Variants in SUMF1 observed in about 807,000 individuals in gnomAD.
The protein encoded by SUMF1 is formylglycine-generating enzyme.
In SUMF1, 48 loss-of-function variants were observed where a neutral mutation model predicts 47.6. The observed-to-expected ratio is 1.01, with a 90% CI of 0.80 to 1.28. The LOEUF (loss-of-function observed/expected upper bound fraction) is 1.28. Ranked by LOEUF, SUMF1 falls within the 50% of genes most tolerant of loss-of-function variation. SUMF1 has a pLI of 0.00. For synonymous variants in SUMF1, 230 were observed against 192.1 expected (o/e 1.20, Z -1.63); for missense variants, 571 against 485.4 (o/e 1.18, Z -1.66).
intron 8 of SUMF1, among the ~76,000 whole-genome samples, chr3:4,124,799 C>G (rs545416728): frequency 1.0e-5 from 1 of 97,604 alleles, no homozygotes; most frequent in East Asian, 3.1e-4. Context: ...CTATCTGTAT[C>G]TAATATCAAA....
chr3:4,463,377 C>A (rs1394932001), intron 1 of SUMF1, among the ~76,000 whole-genome samples: 1 of 152,190 alleles, frequency 6.6e-6, no homozygotes, highest in Non-Finnish European at 1.5e-5. Flanking sequence ...GTAGTCCCAG[C>A]TACTTGGGAG....
Position 4,242,281 on chromosome 3 carries a change from T to C in SUMF1, c.1014+134049A>G, listed in dbSNP as rs149162900. 1.6e-3 allele frequency among the ~76,000 whole-genome samples: 247 copies of C among 152,326 alleles called. 7 individuals carry two copies. In the East Asian group the frequency reaches 0.041, roughly 25 times the overall value. The stretch of plus-strand genomic sequence containing the variant: ...ATACACTTTATTTCTTTCTCTTGCC[T>C]GATTGCCCTGGTCAGAACTTCCAAT... On this transcript the variant is annotated intron_variant and NMD_transcript_variant, in intron 8 of 12. Transcript: ENST00000448413.
At chr3:4,366,878 T>C (rs1258173241) in intron 8 of SUMF1, among the ~76,000 whole-genome samples, 1 of 152,192 alleles carries the variant, frequency 6.6e-6, no homozygotes, top group Non-Finnish European at 1.5e-5. Context: ...ATGATGGTGA[T>C]GTACAGATGG....
intron 9 of SUMF1, among the ~76,000 whole-genome samples, chr3:4,038,308 C>A (rs1159988172): frequency 1.3e-5 from 2 of 152,116 alleles, no homozygotes; most frequent in Admixed American, 6.5e-5. Context: ...GCAGGGGTTC[C>A]CTGCTTGGTG....
intron 8 of SUMF1, among the ~76,000 whole-genome samples, chr3:4,256,400 T>C (rs1696954735): frequency 7.7e-6 from 1 of 129,580 alleles, no homozygotes; most frequent in African/African-American, 3.0e-5. Flanking sequence ...GAGAGAAGAA[T>C]CAAATAGACA....
At chr3:4,445,939 T>C (rs904901270) in intron 3 of SUMF1, among the ~76,000 whole-genome samples, 1 of 152,194 alleles carries the variant, frequency 6.6e-6, no homozygotes, top group South Asian at 2.1e-4. Context: ...ATAATTATCT[T>C]AAGATGAAAT....
chr3:4,063,164 C>T (rs1293158821), intron 9 of SUMF1, among the ~76,000 whole-genome samples: 1 of 152,070 alleles, frequency 6.6e-6, no homozygotes, highest in Non-Finnish European at 1.5e-5. Context: ...ACCAGGTTAC[C>T]TACCAGTAGA....
At chr3:4,115,597 T>G (rs1222372767) in intron 8 of SUMF1, among the ~76,000 whole-genome samples, 4 of 151,852 alleles carry the variant, frequency 2.6e-5, no homozygotes, top group Non-Finnish European at 5.9e-5. Context: ...CTCCGACGGG[T>G]TTGGGCGAGC....
rs545691136 is a variant in SUMF1 at position 4,455,210 on chromosome 3, A to T, written c.271-2161T>A. Among the ~76,000 whole-genome samples, 3 of 152,348 alleles carry T rather than the reference A, an allele frequency of 2.0e-5. No homozygotes were observed. The South Asian group carries it at 6.2e-4, about 32-fold the overall frequency. Reference sequence around the variant, plus strand: ...TTAATAGACTCCTCAGCAGCTTAGGAATTGTCAAGTTCCTCATCTATAAAC... The same window carrying T: ...TTAATAGACTCCTCAGCAGCTTAGGTATTGTCAAGTTCCTCATCTATAAAC... On this transcript the variant is annotated intron_variant, in intron 1 of 8. Coordinates refer to ENST00000272902, the MANE Select transcript of SUMF1 (RefSeq NM_182760.4).
chr3:4,251,608 C>A (rs1316381852), intron 8 of SUMF1, among the ~76,000 whole-genome samples: 2 of 152,298 alleles, frequency 1.3e-5, no homozygotes, highest in Non-Finnish European at 2.9e-5. Context: ...ACCACAGCCA[C>A]CCCAACTTTC....
intron 8 of SUMF1, among the ~76,000 whole-genome samples, chr3:4,144,979 C>CA (rs1452076716): frequency 2.6e-5 from 4 of 152,012 alleles, no homozygotes; most frequent in Non-Finnish European, 5.9e-5. Context: ...GCAGGTGGAT[C>CA]ACGAGGTCAG....
At chr3:4,243,467 G>T (rs990050326) in intron 8 of SUMF1, among the ~76,000 whole-genome samples, 3 of 152,070 alleles carry the variant, frequency 2.0e-5, no homozygotes, top group African/African-American at 4.8e-5. Flanking sequence ...TTGTGTCTTT[G>T]TTCTCATTGG....
At chr3:4,165,711 A>T (rs1472321945) in intron 8 of SUMF1, among the ~76,000 whole-genome samples, 1 of 152,044 alleles carries the variant, frequency 6.6e-6, no homozygotes, top group East Asian at 1.9e-4. Flanking sequence ...GGGCCAGACC[A>T]TGGTGCAGAA....
At chr3:4,418,986 A>C (rs1292816371) in intron 4 of SUMF1, among the ~76,000 whole-genome samples, 1 of 152,192 alleles carries the variant, frequency 6.6e-6, no homozygotes, top group Non-Finnish European at 1.5e-5. Flanking sequence ...CAGTAATTAC[A>C]CCAGGCCTTT....
chr3:4,444,998 T>C (rs975352450), intron 3 of SUMF1, among the ~76,000 whole-genome samples: 10 of 152,194 alleles, frequency 6.6e-5, no homozygotes, highest in African/African-American at 2.4e-4. Flanking sequence ...GAAGCACTGC[T>C]AGGACTCAGG....
intron 8 of SUMF1, among the ~76,000 whole-genome samples, chr3:4,108,090 G>T (rs1003425009): frequency 6.6e-6 from 1 of 152,122 alleles, no homozygotes; most frequent in Non-Finnish European, 1.5e-5. Context: ...ACTGTAGGTT[G>T]CTATTCATAA....
intron 8 of SUMF1, among the ~76,000 whole-genome samples, chr3:4,323,153 G>C (rs1698872781): frequency 6.6e-6 from 1 of 152,120 alleles, no homozygotes; most frequent in Admixed American, 6.6e-5. Flanking sequence ...ACAACATGTA[G>C]TATCCATGCA....
intron 8 of SUMF1, among the ~76,000 whole-genome samples, chr3:4,326,168 A>C (rs1196748251): frequency 6.6e-6 from 1 of 152,200 alleles, no homozygotes; most frequent in Admixed American, 6.5e-5. Flanking sequence ...ATTTTTACCA[A>C]AGACAAGTCA....
intron 7 of SUMF1, among the ~76,000 whole-genome samples, chr3:4,395,030 G>A (rs75001752): frequency 0.082 from 12,445 of 152,238 alleles, 646 homozygotes; most frequent in African/African-American, 0.15. Flanking sequence ...TTTGTTGAGA[G>A]TATACTAATC....
Sources: allele counts gnomAD v4.1 joint callset (sites outside exome capture counted in the v4.1 genomes callset), GRCh38; gene constraint gnomAD v4.1.1; transcripts MANE v1.5; gene names NCBI Gene and HGNC (gene_info 2026-07-23, HGNC 2026-07-21).